WNK3: variants seen among roughly 807,000 people sequenced by gnomAD.
The protein encoded by WNK3 is serine/threonine-protein kinase WNK3.
Under a neutral mutation model 116.7 loss-of-function variants are expected in WNK3, and 18 were observed. The ratio of observed to expected loss-of-function variants is 0.15; its 90% CI spans 0.11 to 0.23. The LOEUF (loss-of-function observed/expected upper bound fraction) is 0.23, where lower values mean the gene tolerates loss of function less well. WNK3 is among the 10% of genes least tolerant of loss of function. The pLI is 1.00. For missense variants in WNK3, 993 were observed against 1,323.8 expected (o/e 0.75, Z 3.88); for synonymous variants, 404 against 469.4 (o/e 0.86, Z 1.80).
chrX:54,314,005 G>A (rs2068919241), intron 2 of WNK3, among the ~76,000 whole-genome samples: 1 of 108,060 alleles, frequency 9.3e-6, no homozygotes, highest in African/African-American at 3.4e-5. Context: ...CAGCCTAGTC[G>A]ACATGGTGAA....
rs3021281 is a variant in WNK3, at chrX:54,297,870, A to G, written c.1398+305T>C. Among the ~76,000 whole-genome samples the G allele has an allele frequency of 2.1e-3, 234 of 110,838 alleles. 1 individual carries two copies. Among genetic ancestry groups the G allele is most frequent in the African/African-American group, 7.2e-3 (219 of 30,588 alleles). ...GGGCGGATCACAAGGTCAGGAGTTCAAGACCAGCCTGACTAACACGGTGAA... is the reference window on the plus strand; with the variant it reads ...GGGCGGATCACAAGGTCAGGAGTTCGAGACCAGCCTGACTAACACGGTGAA... On this transcript the variant is annotated intron_variant, in intron 7 of 23. Coordinates refer to ENST00000354646, the Ensembl canonical transcript of WNK3.
chrX:54,249,472 A>G, exon 17 of WNK3: 1 of 1,211,942 alleles, frequency 8.3e-7, no homozygotes, highest in African/African-American at 1.7e-5. Context: ...TTGATAAAGT[A>G]TAGCTGGCTG....
chrX:54,252,115 A>G lies in WNK3; in HGVS notation c.2368-428T>C, dbSNP rs112313237. Among the ~76,000 whole-genome samples the G allele has an allele frequency of 8.8e-3, 967 of 109,755 alleles. 9 individuals carry two copies. The highest frequency in any genetic ancestry group is 0.031 in the African/African-American group (938 of 30,346). On this transcript the variant is annotated intron_variant, in intron 13 of 23. Transcript: ENST00000354646. Reference sequence around the variant, plus strand: ...AAAGAAAAAGAAAAAGAAGAATAAAATTAAAATTAAGTATCTAAATCCAAG... The same window carrying G: ...AAAGAAAAAGAAAAAGAAGAATAAAGTTAAAATTAAGTATCTAAATCCAAG...
At chrX:54,202,396 CA>C (rs1569534892) in intron 22 of WNK3, among the ~76,000 whole-genome samples, 2 of 111,438 alleles carry the variant, frequency 1.8e-5, no homozygotes, top group African/African-American at 6.5e-5. Flanking sequence ...CTTTCACTCT[CA>C]AAAGTTTCCT....
At chrX:54,213,553 C>CAAAAAAA (rs782580375) in intron 22 of WNK3, among the ~76,000 whole-genome samples, 3 of 14,269 alleles carry the variant, frequency 2.1e-4, no homozygotes, top group African/African-American at 1.7e-3. Context: ...GACTCCGTCT[C>CAAAAAAA]AAAAAAAAAA....
intron 10 of WNK3, among the ~76,000 whole-genome samples, chrX:54,268,080 G>GCACACACACACA (rs57010526): frequency 1.2e-5 from 1 of 80,792 alleles, no homozygotes; most frequent in Non-Finnish European, 2.4e-5. Flanking sequence ...CTGAATGCGT[G>GCACACACACACA]CACACACACA....
At chrX:54,219,594 C>T (rs2067737941) in intron 22 of WNK3, among the ~76,000 whole-genome samples, 2 of 97,204 alleles carry the variant, frequency 2.1e-5, no homozygotes, top group South Asian at 5.4e-4. Context: ...AGGAGAATCA[C>T]TTGAACCCGG....
chrX:54,266,357 A>G (rs1036459327), intron 10 of WNK3, among the ~76,000 whole-genome samples: 3 of 111,284 alleles, frequency 2.7e-5, no homozygotes, highest in African/African-American at 9.8e-5. Flanking sequence ...AAAATTAATC[A>G]GAAAAACTGA....
At chrX:54,237,410 C>T (rs868969709) in exon 20 of WNK3, 1 of 1,208,053 alleles carries the variant, frequency 8.3e-7, no homozygotes, top group East Asian at 3.0e-5. Context: ...TTTTGTGTGG[C>T]AGGTTCTATT....
intron 5 of WNK3, among the ~76,000 whole-genome samples, chrX:54,302,753 A>T (rs2068777142): frequency 4.8e-5 from 2 of 41,253 alleles, no homozygotes; most frequent in African/African-American, 8.1e-5. Context: ...ATATATATAT[A>T]TATATTTTTT....
chrX:54,241,552 A>G (rs1356691281), intron 17 of WNK3, among the ~76,000 whole-genome samples: 1 of 112,409 alleles, frequency 8.9e-6, no homozygotes, highest in Non-Finnish European at 1.9e-5. Flanking sequence ...AATTAAAACA[A>G]TGTAATACTT....
At chrX:54,313,581 C>T (rs1437762914) in intron 2 of WNK3, among the ~76,000 whole-genome samples, 1 of 110,074 alleles carries the variant, frequency 9.1e-6, no homozygotes, top group Non-Finnish European at 1.9e-5. Context: ...AACTCCTGAC[C>T]TCAGGTGATC....
At chrX:54,208,212 C>T (rs1437021512) in intron 22 of WNK3, among the ~76,000 whole-genome samples, 2 of 110,403 alleles carry the variant, frequency 1.8e-5, no homozygotes, top group African/African-American at 6.6e-5. Flanking sequence ...GCAAGCTCCG[C>T]CTCCCGGGTT....
chrX:54,338,522 G>GGCTGCAGTAAGCC (rs2069274312), intron 1 of WNK3, among the ~76,000 whole-genome samples: 1 of 109,873 alleles, frequency 9.1e-6, no homozygotes, highest in Non-Finnish European at 1.9e-5. Flanking sequence ...GGGAAGTTGA[G>GGCTGCAGTAAGCC]GCTGCAGTAA....
intron 22 of WNK3, among the ~76,000 whole-genome samples, chrX:54,222,647 T>G (rs1476571600): frequency 9.3e-6 from 1 of 107,594 alleles, no homozygotes; most frequent in Non-Finnish European, 1.9e-5. Context: ...GAGGCTGAGG[T>G]GGGCAGATCA....
At chrX:54,278,796 C>T (rs1321331066) in intron 10 of WNK3, among the ~76,000 whole-genome samples, 1 of 111,859 alleles carries the variant, frequency 8.9e-6, no homozygotes, top group Non-Finnish European at 1.9e-5. Context: ...ATAGGCCGGG[C>T]GTGGTGGTTC....
At chrX:54,343,774 A>C (rs1557176874) in intron 1 of WNK3, 1 of 109,530 alleles carries the variant, frequency 9.1e-6, no homozygotes, top group East Asian at 2.9e-4. Flanking sequence ...CGATCCTCCG[A>C]CTTCAGCCTT....
chrX:54,235,760 T>G (rs1557149973), intron 20 of WNK3, among the ~76,000 whole-genome samples: 1 of 112,023 alleles, frequency 8.9e-6, no homozygotes, highest in African/African-American at 3.2e-5. Context: ...AGGAGGCTAG[T>G]AATTAACTTA....
intron 12 of WNK3, among the ~76,000 whole-genome samples, chrX:54,254,796 G>C (rs782425714): frequency 9.0e-6 from 1 of 111,553 alleles, no homozygotes; most frequent in South Asian, 3.8e-4. Flanking sequence ...AATGATACAG[G>C]AAGGCATACA....
Sources: allele counts gnomAD v4.1 joint callset (sites outside exome capture counted in the v4.1 genomes callset), GRCh38; gene constraint gnomAD v4.1.1; transcripts MANE v1.5; gene names NCBI Gene and HGNC (gene_info 2026-07-23, HGNC 2026-07-21).